The following TRPS1 variants were observed in gnomAD, a reference collection of about 807,000 sequenced individuals.
The protein encoded by TRPS1 is zinc finger transcription factor Trps1.
Under a neutral mutation model 101.2 loss-of-function variants are expected in TRPS1, and 6 were observed. The ratio of observed to expected loss-of-function variants is 0.06; its 90% CI spans 0.03 to 0.12. TRPS1 has a LOEUF of 0.12. Among genes scored for constraint, TRPS1 ranks in the 10% least tolerant of loss-of-function variants. TRPS1 has a pLI of 1.00. For missense variants in TRPS1, 1,363 were observed against 1,567.0 expected, an observed-to-expected ratio of 0.87 and a Z score of 2.20; for synonymous variants, 578 against 589.8, an observed-to-expected ratio of 0.98 and a Z score of 0.29.
rs370482804 is a variant in TRPS1 at position 115,593,420 on chromosome 8, T to C, written c.2097-5816A>G. 5.3e-5 allele frequency among the ~76,000 whole-genome samples: 8 copies of C among 152,296 alleles called. No homozygotes were observed. In the East Asian group the frequency reaches 1.5e-3, roughly 29 times the overall value. On this transcript the variant is annotated intron_variant, in intron 4 of 6. Coordinates refer to ENST00000395715, the MANE Select transcript of TRPS1 (RefSeq NM_014112.5). ...TAAAAATATTGAAGGCAAAATAGAA[T>C]ACTTTTGCTCTTGTCTATGGTTACT...
At chr8:115,492,536 T>C (rs1045639610) in intron 5 of TRPS1, among the ~76,000 whole-genome samples, 2 of 151,660 alleles carry the variant, frequency 1.3e-5, no homozygotes, top group Non-Finnish European at 2.9e-5. Flanking sequence ...TCGACAAAAA[T>C]AACTCTATGG....
intron 5 of TRPS1, among the ~76,000 whole-genome samples, chr8:115,461,090 C>G (rs1814156577): frequency 6.6e-6 from 1 of 152,108 alleles, no homozygotes; most frequent in Admixed American, 6.6e-5. Context: ...AGAATCACCT[C>G]TGCATGTCAT....
At position 115,604,566 on chromosome 8, in the gene TRPS1, T is replaced by C. The variant is rs991535014; in HGVS notation, c.1403A>G (p.Tyr468Cys). The stretch of plus-strand genomic sequence containing the variant: ...CTGCACTGCTCCGTGCTGCTTGCCA[T>C]AATGTTCTAGCAGTTTAAGTGAGCT... ...SSSSLKLLEH[Y>C]GKQHGAVQSG... is the part of the protein sequence containing the mutation. The change falls in exon 4 of 7, where the codon TAT becomes TGT. Residue 468 changes from tyrosine (Y) to cysteine (C), a missense_variant. Coordinates refer to ENST00000395715, the MANE Select transcript of TRPS1 (RefSeq NM_014112.5). This position sits in a 1 kb window ranked among gnomAD's most constrained non-coding sequence, Gnocchi z 4.1. 3 of 1,613,948 alleles carry C rather than the reference T, an allele frequency of 1.9e-6. No homozygotes were observed. Among genetic ancestry groups the C allele is most frequent in the Non-Finnish European group, 2.5e-6 (3 of 1,180,004 alleles).
At chr8:115,553,934 A>G (rs1223936581) in intron 5 of TRPS1, among the ~76,000 whole-genome samples, 1 of 152,170 alleles carries the variant, frequency 6.6e-6, no homozygotes, top group African/African-American at 2.4e-5. Flanking sequence ...TCAGGCTCTG[A>G]TAGCTGAGTA....
intron 5 of TRPS1, among the ~76,000 whole-genome samples, chr8:115,434,140 A>G (rs1813392232): frequency 6.6e-6 from 1 of 152,214 alleles, no homozygotes; most frequent in South Asian, 2.1e-4. Context: ...TATATACATA[A>G]ACATGTATTT....
intron 5 of TRPS1, among the ~76,000 whole-genome samples, chr8:115,577,295 GCTTAA>G (rs892849076): frequency 1.1e-4 from 17 of 151,998 alleles, no homozygotes; most frequent in African/African-American, 2.7e-4. Context: ...TAGAAGAGTG[GCTTAA>G]CTTGTTTGTC....
intron 5 of TRPS1, among the ~76,000 whole-genome samples, chr8:115,446,890 T>C (rs1035884345): frequency 6.6e-6 from 1 of 152,160 alleles, no homozygotes; most frequent in Non-Finnish European, 1.5e-5. Context: ...CTTAGCCTTG[T>C]TCTAATATGA....
chr8:115,571,381 T>C, intron 5 of TRPS1, among the ~76,000 whole-genome samples: 1 of 152,186 alleles, frequency 6.6e-6, no homozygotes, highest in Admixed American at 6.6e-5. Context: ...CATATTTTTT[T>C]CTTAACATTA....
intron 1 of TRPS1, among the ~76,000 whole-genome samples, chr8:115,635,681 A>G (rs1818752145): frequency 6.6e-6 from 1 of 152,198 alleles, no homozygotes; most frequent in Non-Finnish European, 1.5e-5. Context: ...AAAACTGGCC[A>G]GGTGAAAAGA....
chr8:115,625,293 G>C (rs1051942632), intron 1 of TRPS1, among the ~76,000 whole-genome samples: 8 of 151,776 alleles, frequency 5.3e-5, no homozygotes, highest in Non-Finnish European at 1.0e-4. Flanking sequence ...TGTGATCAAG[G>C]GCAAGTCCTT....
intron 5 of TRPS1, among the ~76,000 whole-genome samples, chr8:115,522,418 T>C (rs1815888533): frequency 6.6e-6 from 1 of 152,062 alleles, no homozygotes; most frequent in Non-Finnish European, 1.5e-5. Flanking sequence ...AGTTCAACTG[T>C]GTAACTAAGT....
intron 5 of TRPS1, among the ~76,000 whole-genome samples, chr8:115,498,488 A>G (rs1306954171): frequency 6.8e-6 from 1 of 146,622 alleles, no homozygotes; most frequent in Non-Finnish European, 1.5e-5. Context: ...AATATTTCCA[A>G]CAAAAACACA....
chr8:115,511,438 T>G (rs1304338031), intron 5 of TRPS1: 1 of 151,982 alleles, frequency 6.6e-6, no homozygotes, highest in Non-Finnish European at 1.5e-5. Context: ...ATGTCATTCA[T>G]TCTCTTTCCA....
intron 5 of TRPS1, among the ~76,000 whole-genome samples, chr8:115,445,642 G>T (rs538406216): frequency 2.5e-4 from 38 of 152,238 alleles, no homozygotes; most frequent in African/African-American, 8.9e-4. Flanking sequence ...CTAACAAAAT[G>T]AGAAGAATTA....
intron 5 of TRPS1, among the ~76,000 whole-genome samples, chr8:115,531,452 T>C (rs1040804925): frequency 1.1e-4 from 16 of 152,108 alleles, no homozygotes; most frequent in Non-Finnish European, 2.1e-4. Context: ...GGCCATGAGC[T>C]GAAGGAAGGG....
intron 5 of TRPS1, among the ~76,000 whole-genome samples, chr8:115,522,104 T>A (rs1385703259): frequency 2.6e-5 from 4 of 152,010 alleles, no homozygotes; most frequent in Non-Finnish European, 5.9e-5. Context: ...ATTTAATGGA[T>A]CGTTTTTAGA....
intron 5 of TRPS1, among the ~76,000 whole-genome samples, chr8:115,453,336 A>G (rs1397092376): frequency 1.3e-5 from 2 of 152,124 alleles, no homozygotes; most frequent in African/African-American, 2.4e-5. Context: ...AATATTTTTA[A>G]ACCTAAAGTT....
intron 5 of TRPS1, among the ~76,000 whole-genome samples, chr8:115,526,626 A>T (rs1586365424): frequency 6.6e-6 from 1 of 152,164 alleles, no homozygotes; most frequent in East Asian, 1.9e-4. Context: ...ACAAAATCAC[A>T]GTTAAAAATC....
chr8:115,521,184 TG>T (rs1250383843), intron 5 of TRPS1, among the ~76,000 whole-genome samples: 1 of 151,820 alleles, frequency 6.6e-6, no homozygotes, highest in African/African-American at 2.4e-5. Context: ...CCTACTTGTT[TG>T]GTTCTTCTTC....
Sources: gnomAD v4.1 joint callset for allele counts (sites outside exome capture counted in the v4.1 genomes callset) on GRCh38, gnomAD v4.1.1 for gene constraint, Gnocchi (gnomAD v3.1) non-coding constraint, MANE v1.5 for transcripts, NCBI Gene and HGNC (gene_info 2026-07-23, HGNC 2026-07-21) for gene names.